CFAP69: variants seen among roughly 807,000 people sequenced by gnomAD.
CFAP69 encodes cilia and flagella associated protein 69, also known as cilia- and flagella-associated protein 69.
CFAP69 carries 92 observed loss-of-function variants against 123.0 expected under a neutral mutation model. The ratio of observed to expected loss-of-function variants is 0.75; its 90% CI spans 0.63 to 0.89. The LOEUF (loss-of-function observed/expected upper bound fraction) is 0.89, where lower values mean the gene tolerates loss of function less well. CFAP69 is among the 40% of genes least tolerant of loss of function. The pLI is 0.00. For synonymous variants in CFAP69, 380 were observed against 364.3 expected (o/e 1.04, Z -0.49); for missense variants, 1,067 against 1,096.9 (o/e 0.97, Z 0.39).
intron 6 of CFAP69, among the ~76,000 whole-genome samples, chr7:90,269,711 G>A (rs1799680020): frequency 6.6e-6 from 1 of 152,268 alleles, no homozygotes; most frequent in East Asian, 1.9e-4. Context: ...GAGAGTGAGA[G>A]AGTAGTGGCA....
At chr7:90,276,959 T>C (rs1313578721) in intron 9 of CFAP69, 114 bp from the exon 10 acceptor site, 1 of 718,520 alleles carries the variant, frequency 1.4e-6, no homozygotes, top group African/African-American at 1.8e-5. Context: ...TGAATTCAAA[T>C]GAATGACAGT....
intron 1 of CFAP69, among the ~76,000 whole-genome samples, chr7:90,252,470 A>G (rs1797147784): frequency 6.6e-6 from 1 of 152,018 alleles, no homozygotes; most frequent in African/African-American, 2.4e-5. Flanking sequence ...GCATTCCAGA[A>G]CAGCCTGGGC....
intron 15 of CFAP69, among the ~76,000 whole-genome samples, chr7:90,293,444 T>C (rs966162089): frequency 6.6e-6 from 1 of 152,166 alleles, no homozygotes; most frequent in Non-Finnish European, 1.5e-5. Context: ...ACAGAAAAAC[T>C]GAATAATACC....
In CFAP69 at chr7:90,304,749, G is replaced by A. The variant is rs1562925665; in HGVS notation, c.2194G>A (p.Glu732Lys). ...CTTTATAAACTTTATTTTAGATTTT[G>A]AAAATTTACCTGGCCTATCTGCTGA... ...IYAILGKLDFENLPGLSAEDF... is the reference protein window; with the variant it reads ...IYAILGKLDFKNLPGLSAEDF... The change falls in exon 19 of 23, where the codon GAA becomes AAA. Residue 732 changes from glutamate (E) to lysine (K), a missense_variant. Glu to Lys is a moderately conservative substitution (Grantham distance 56, BLOSUM62 1). Transcript: ENST00000389297. 3 of 1,599,664 alleles carry A rather than the reference G, an allele frequency of 1.9e-6. No homozygotes were observed. Among genetic ancestry groups the A allele is most frequent in the Non-Finnish European group, 2.6e-6 (3 of 1,174,120 alleles).
chr7:90,298,041 C>T (rs992582122), intron 16 of CFAP69, among the ~76,000 whole-genome samples: 7 of 152,112 alleles, frequency 4.6e-5, no homozygotes, highest in Non-Finnish European at 8.8e-5. Flanking sequence ...AGTCATTTTA[C>T]CAGTGTTTTT....
At chr7:90,256,771 G>A (rs551420990) in intron 2 of CFAP69, among the ~76,000 whole-genome samples, 1 of 152,248 alleles carries the variant, frequency 6.6e-6, no homozygotes, top group South Asian at 2.1e-4. Context: ...AACCACAACT[G>A]CATAGAGTGC....
At chr7:90,245,873 A>T (rs768921805) in intron 1 of CFAP69, among the ~76,000 whole-genome samples, 1 of 152,170 alleles carries the variant, frequency 6.6e-6, no homozygotes, top group Non-Finnish European at 1.5e-5. Flanking sequence ...GAAAGGAATC[A>T]TTCTTAGCAA....
intron 1 of CFAP69, among the ~76,000 whole-genome samples, chr7:90,254,991 C>A (rs1459540316): frequency 6.6e-6 from 1 of 151,962 alleles, no homozygotes; most frequent in Non-Finnish European, 1.5e-5. Flanking sequence ...ATGTGGATGA[C>A]TGGAAGAATG....
intron 11 of CFAP69, 108 bp from the exon 12 acceptor site, chr7:90,279,569 A>G (rs961361435): frequency 3.1e-5 from 19 of 614,092 alleles, no homozygotes; most frequent in Non-Finnish European, 5.0e-5. Context: ...TAAAGGAATT[A>G]TTTTGAAATA....
chr7:90,268,659 A>G (rs1357300781), intron 6 of CFAP69, among the ~76,000 whole-genome samples: 3 of 152,140 alleles, frequency 2.0e-5, no homozygotes, highest in Admixed American at 2.0e-4. Context: ...TGTTACTATT[A>G]TGTTATTTAA....
intron 5 of CFAP69, 64 bp from the exon 6 acceptor site, chr7:90,268,222 C>A (rs1234871658): frequency 2.1e-6 from 2 of 972,280 alleles, no homozygotes; most frequent in Non-Finnish European, 3.1e-6. Context: ...ACATTTTATG[C>A]CTAAATTCTA....
At position 90,274,085 on chromosome 7, in the gene CFAP69, C is replaced by G; in HGVS notation, c.959C>G (p.Ala320Gly). Residue 320 changes from alanine (A) to glycine (G), a missense_variant, in exon 9 of 23, where the codon GCT (alanine) becomes GGT (glycine). Ala to Gly is a moderately conservative substitution (Grantham distance 60). Transcript: ENST00000389297. ...NDILVITTII[A>G]QNPEAPMIEC... ...ATATTAGTGATCACTACAATTATAG[C>G]TCAAAATCCTGAAGCACCAATGATT... The G allele has an allele frequency of 6.3e-7, 1 of 1,597,208 alleles. No homozygotes were observed. The highest frequency in any genetic ancestry group is 1.4e-5 in the African/African-American group (1 of 73,820).
In CFAP69 at chr7:90,272,027, T is replaced by A. The variant is rs1177292312; in HGVS notation, c.860+69T>A. 12 of 1,386,934 alleles carry A rather than the reference T, an allele frequency of 8.7e-6. 1 individual carries two copies. The highest frequency in any genetic ancestry group is 1.1e-5 in the Non-Finnish European group (11 of 1,019,150). 85.9% of individuals were successfully genotyped at this position (1,386,934 alleles called of 1,614,324 possible). A position where few individuals can be genotyped will look rare whatever the true frequency, so the allele number is the denominator to read the frequency against. ...ATGACAGCCAGTGACATAACTAACATCTTTGTTTGAATCTGTGTTCAATTA... is the reference window on the plus strand; with the variant it reads ...ATGACAGCCAGTGACATAACTAACAACTTTGTTTGAATCTGTGTTCAATTA... On this transcript the variant is annotated intron_variant, in intron 8 of 22. Transcript: ENST00000389297.
chr7:90,303,756 ATAAAAATGAAGGCTCTAAGTTTT>A, intron 17 of CFAP69, 190 bp from the exon 18 acceptor site: 1 of 1,129,786 alleles, frequency 8.9e-7, no homozygotes, highest in Middle Eastern at 3.7e-4. Flanking sequence ...TACATAAACA[ATAAAAATGAAGGCTCTAAGTTTT>A]GCCACAGAGT....
At chr7:90,284,637 G>C in intron 13 of CFAP69, among the ~76,000 whole-genome samples, 1 of 152,164 alleles carries the variant, frequency 6.6e-6, no homozygotes. Flanking sequence ...GGCTTGGGTA[G>C]TTTTCAAGGC....
At chr7:90,249,792 C>G (rs1268707740) in intron 1 of CFAP69, among the ~76,000 whole-genome samples, 1 of 152,120 alleles carries the variant, frequency 6.6e-6, no homozygotes, top group Non-Finnish European at 1.5e-5. Flanking sequence ...CAGCACTCCG[C>G]TTTTCTAACA....
At chr7:90,297,954 C>A (rs769390644) in intron 16 of CFAP69, 124 bp downstream of exon 16, 6 of 607,670 alleles carry the variant, frequency 9.9e-6, no homozygotes, top group Non-Finnish European at 1.7e-5. Flanking sequence ...TTCAAAGGTA[C>A]GGTCTTAAAC....
intron 9 of CFAP69, among the ~76,000 whole-genome samples, chr7:90,275,012 A>C (rs1562874851): frequency 6.6e-6 from 1 of 151,832 alleles, no homozygotes; most frequent in Non-Finnish European, 1.5e-5. Flanking sequence ...CACTTTTTTC[A>C]ATCATTTTTC....
chr7:90,280,754 T>A (rs1031213507), intron 12 of CFAP69, among the ~76,000 whole-genome samples: 12 of 152,226 alleles, frequency 7.9e-5, no homozygotes, highest in African/African-American at 1.2e-4. Context: ...ATTCCTTTTT[T>A]AAAAAGTTTT....
Sources: gnomAD v4.1 joint callset for allele counts (sites outside exome capture counted in the v4.1 genomes callset) on GRCh38, gnomAD v4.1.1 for gene constraint, MANE v1.5 for transcripts, NCBI Gene and HGNC (gene_info 2026-07-23, HGNC 2026-07-21) for gene names.